Variants in ALG5 observed in about 807,000 individuals in gnomAD.
The protein encoded by ALG5 is dolichyl-phosphate beta-glucosyltransferase.
In ALG5, 26 loss-of-function variants were observed where a neutral mutation model predicts 51.8. The ratio of observed to expected loss-of-function variants is 0.50; its 90% confidence interval spans 0.37 to 0.70. The LOEUF (loss-of-function observed/expected upper bound fraction) is 0.70. ALG5 is among the 30% of genes least tolerant of loss of function. The pLI is 0.00. For synonymous variants in ALG5, 141 were observed against 136.1 expected (o/e 1.04, Z -0.25); for missense variants, 311 against 399.3 (o/e 0.78, Z 1.88).
At chr13:36,952,389 C>CTT in intron 9 of ALG5, 125 bp downstream of exon 9, 1 of 669,502 alleles carries the variant, frequency 1.5e-6, no homozygotes, top group South Asian at 1.9e-5. Flanking sequence ...GGAACTGGAT[C>CTT]TTTGAGTCAA....
intron 8 of ALG5, among the ~76,000 whole-genome samples, chr13:36,956,750 C>T (rs1034843650): frequency 6.6e-6 from 1 of 152,006 alleles, no homozygotes; most frequent in Non-Finnish European, 1.5e-5. Context: ...TGTTACGGCT[C>T]GAGCTGAGCT....
At chr13:36,982,990 A>G (rs2058986657) in intron 6 of ALG5, among the ~76,000 whole-genome samples, 1 of 152,232 alleles carries the variant, frequency 6.6e-6, no homozygotes, top group African/African-American at 2.4e-5. Context: ...GTAACAGTGT[A>G]GTAAATGGGA....
At chr13:36,997,131 A>G (rs2059054302) in intron 1 of ALG5, among the ~76,000 whole-genome samples, 1 of 152,206 alleles carries the variant, frequency 6.6e-6, no homozygotes, top group South Asian at 2.1e-4. Context: ...ATGCAATCAA[A>G]GAAATCCAAA....
At chr13:36,976,445 A>G (rs866937912) in intron 6 of ALG5, among the ~76,000 whole-genome samples, 2 of 149,434 alleles carry the variant, frequency 1.3e-5, no homozygotes, top group Middle Eastern at 3.6e-3. Context: ...AAAAAAAAAA[A>G]AAAAAGAAAA....
At chr13:36,972,160 A>C in intron 6 of ALG5, 124 bp from the exon 7 acceptor site, 1 of 810,454 alleles carries the variant, frequency 1.2e-6, no homozygotes, top group Non-Finnish European at 1.9e-6. Flanking sequence ...AAAATCTTTT[A>C]AAGGTTTATT....
rs552189951 is a variant in ALG5 at position 36,984,869 on chromosome 13, T to C, written c.561+758A>G. ...AAGGTACACTCCATCCAGGAAAGGATCTAGTCACATGGATCTGTGTCCCCA... is the reference window on the plus strand; with the variant it reads ...AAGGTACACTCCATCCAGGAAAGGACCTAGTCACATGGATCTGTGTCCCCA... On this transcript the variant is annotated intron_variant, in intron 6 of 9. Coordinates refer to ENST00000239891, the MANE Select transcript of ALG5 (RefSeq NM_013338.5). 3.3e-5 allele frequency among the ~76,000 whole-genome samples: 5 copies of C among 152,238 alleles called. No individual in the cohort carries two copies. In the East Asian group the frequency reaches 9.7e-4, roughly 30 times the overall value.
At chr13:36,974,457 G>C (rs1049652700) in intron 6 of ALG5, among the ~76,000 whole-genome samples, 6 of 152,114 alleles carry the variant, frequency 3.9e-5, no homozygotes, top group African/African-American at 1.4e-4. Flanking sequence ...AGCAGCCACT[G>C]TTTTAAACTG....
intron 1 of ALG5, among the ~76,000 whole-genome samples, chr13:36,998,284 T>G (rs1438691290): frequency 6.6e-6 from 1 of 152,180 alleles, no homozygotes. Flanking sequence ...AAATCTCTAC[T>G]AGTTAGGGCA....
At chr13:36,979,242 G>A (rs1593675814) in intron 6 of ALG5, among the ~76,000 whole-genome samples, 2 of 152,062 alleles carry the variant, frequency 1.3e-5, no homozygotes, top group African/African-American at 2.4e-5. Flanking sequence ...GGTCTCAAAC[G>A]CCTGTCCTCA....
At chr13:36,993,106 C>A (rs1593686568) in intron 4 of ALG5, among the ~76,000 whole-genome samples, 1 of 152,314 alleles carries the variant, frequency 6.6e-6, no homozygotes, top group East Asian at 1.9e-4. Flanking sequence ...TCATGTATCA[C>A]TAAACTGCTG....
Position 36,949,812 on chromosome 13 carries a change from T to C in ALG5, c.*130A>G. 2.0e-6 allele frequency: 1 copy of C among 488,292 alleles called. No homozygotes were observed. 30.2% of individuals were successfully genotyped at this position (488,292 alleles called of 1,614,324 possible). The stretch of plus-strand genomic sequence containing the variant: ...ATATAATTTTTTACTTATGGAAAGT[T>C]ATTTCTTTAAAATTATCAAAAGGCA... On this transcript the variant is annotated 3_prime_UTR_variant, in exon 10 of 10. Transcript: ENST00000239891.
At chr13:36,985,850 A>G in intron 5 of ALG5, 110 bp from the exon 6 acceptor site, 1 of 618,918 alleles carries the variant, frequency 1.6e-6, no homozygotes, top group African/African-American at 1.8e-5. Context: ...ATGAGGTATG[A>G]GATGGCTGAA....
Position 36,965,556 on chromosome 13 carries a change from A to T in ALG5, c.773+19T>A. On this transcript the variant is annotated intron_variant, in intron 8 of 9. Transcript: ENST00000239891. Reference sequence around the variant, plus strand: ...CTGGGTCATAAGACAGACTGGATACATTCCAGTCAGAAACCTACCATCGTT... The same window carrying T: ...CTGGGTCATAAGACAGACTGGATACTTTCCAGTCAGAAACCTACCATCGTT... 3 of 1,609,458 alleles carry T rather than the reference A, an allele frequency of 1.9e-6. No homozygotes were observed. In the East Asian group the frequency reaches 6.7e-5, roughly 36 times the overall value.
chr13:36,972,864 C>T (rs551713190), intron 6 of ALG5, among the ~76,000 whole-genome samples: 80 of 151,738 alleles, frequency 5.3e-4, no homozygotes, highest in South Asian at 1.5e-3. Context: ...TGGTGGCGGG[C>T]GCCTGTAATC....
chr13:36,961,248 T>C (rs570224901), intron 8 of ALG5, among the ~76,000 whole-genome samples: 28 of 152,026 alleles, frequency 1.8e-4, no homozygotes, highest in African/African-American at 6.8e-4. Flanking sequence ...ACTCTGTCTC[T>C]ACAAAAAAAT....
At chr13:36,997,954 C>G (rs1231717657) in intron 1 of ALG5, among the ~76,000 whole-genome samples, 1 of 152,044 alleles carries the variant, frequency 6.6e-6, no homozygotes, top group Admixed American at 6.6e-5. Flanking sequence ...CAACATGTTT[C>G]CTCACCAGTA....
At chr13:36,976,067 T>C (rs1285595030) in intron 6 of ALG5, among the ~76,000 whole-genome samples, 1 of 152,048 alleles carries the variant, frequency 6.6e-6, no homozygotes, top group African/African-American at 2.4e-5. Flanking sequence ...GTTCTGGTTA[T>C]TCTATCTTTA....
intron 8 of ALG5, among the ~76,000 whole-genome samples, chr13:36,963,788 A>C (rs1465474834): frequency 1.3e-5 from 2 of 152,206 alleles, no homozygotes; most frequent in Non-Finnish European, 2.9e-5. Flanking sequence ...CAGGTCTTTG[A>C]AAACAGATGC....
At chr13:36,990,236 T>C (rs1293795253) in intron 4 of ALG5, among the ~76,000 whole-genome samples, 4 of 152,222 alleles carry the variant, frequency 2.6e-5, no homozygotes, top group African/African-American at 7.2e-5. Context: ...TGATCTATAT[T>C]TGCCACCTGC....
Sources: gnomAD v4.1 joint callset for allele counts (sites outside exome capture counted in the v4.1 genomes callset) on GRCh38, gnomAD v4.1.1 for gene constraint, MANE v1.5 for transcripts, NCBI Gene and HGNC (gene_info 2026-07-23, HGNC 2026-07-21) for gene names.